Variants in JPH3 observed in about 807,000 individuals in gnomAD.
The protein encoded by JPH3 is junctophilin-3.
JPH3 carries 11 observed loss-of-function variants against 59.6 expected under a neutral mutation model. The observed-to-expected ratio is 0.18, with a 90% CI of 0.12 to 0.31. JPH3 has a LOEUF of 0.31. Ranked by LOEUF, JPH3 falls within the 10% of genes least tolerant of loss-of-function variation. The pLI is 1.00. For missense variants in JPH3, 1,202 were observed against 1,105.7 expected (o/e 1.09, Z -1.24); for synonymous variants, 673 against 483.6 (o/e 1.39, Z -5.14).
rs2030746762 is a variant in JPH3 at position 87,611,964 on chromosome 16, A to G, written c.382+8436A>G. ...TCAGGATGTGTGTTTGGAGATGCTC[A>G]GGTGGCTGCAGTGCAGGAGATCCTG... On this transcript the variant is annotated intron_variant, in intron 1 of 4. Coordinates refer to ENST00000284262, the MANE Select transcript of JPH3 (RefSeq NM_020655.4). This position sits in a 1 kb window ranked among gnomAD's most constrained non-coding sequence, Gnocchi z 4.5. Among the ~76,000 whole-genome samples the G allele has an allele frequency of 6.6e-6, 1 of 152,206 alleles. No individual in the cohort carries two copies. Among genetic ancestry groups the G allele is most frequent in the African/African-American group, 2.4e-5 (1 of 41,452 alleles).
chr16:87,647,560 G>A lies in JPH3; in HGVS notation c.1160+2525G>A, dbSNP rs115383698. Among the ~76,000 whole-genome samples the A allele has an allele frequency of 7.8e-3, 1,185 of 152,282 alleles. 20 individuals carry two copies. Among genetic ancestry groups the A allele is most frequent in the African/African-American group, 0.027 (1,110 of 41,566 alleles). ...CACTGGCGGAGTCCGAGCTGACTCC[G>A]TCCCTTCGCCCGAGCGGGCGTCGCG... is the stretch of plus-strand genomic sequence containing the variant. On this transcript the variant is annotated intron_variant, in intron 2 of 4. Transcript: ENST00000284262.
chr16:87,639,680 C>G (rs1174079698), intron 1 of JPH3, among the ~76,000 whole-genome samples: 2 of 148,856 alleles, frequency 1.3e-5, no homozygotes, highest in African/African-American at 4.9e-5. Flanking sequence ...GTCCTCCCTC[C>G]TGGCCCCTCG....
intron 2 of JPH3, among the ~76,000 whole-genome samples, chr16:87,646,956 G>T (rs1184608802): frequency 6.6e-6 from 1 of 152,166 alleles, no homozygotes; most frequent in Non-Finnish European, 1.5e-5. Flanking sequence ...AGAGAAGCGG[G>T]TTCCCATTAA....
At chr16:87,612,996 G>C (rs546952793) in intron 1 of JPH3, among the ~76,000 whole-genome samples, 1 of 151,470 alleles carries the variant, frequency 6.6e-6, no homozygotes, top group African/African-American at 2.4e-5. Flanking sequence ...CCTGCAGTCC[G>C]GCCTGGGTGA....
At chr16:87,661,155 C>A (rs1380466477) in intron 2 of JPH3, among the ~76,000 whole-genome samples, 1 of 152,212 alleles carries the variant, frequency 6.6e-6, no homozygotes, top group African/African-American at 2.4e-5. Context: ...CTCGAGGTCC[C>A]TCCTCCACCT....
chr16:87,603,803 C>T (rs2030366375), intron 1 of JPH3, among the ~76,000 whole-genome samples: 1 of 152,198 alleles, frequency 6.6e-6, no homozygotes, highest in South Asian at 2.1e-4. Flanking sequence ...GCGTCGGACA[C>T]AGCAGGCCGG....
chr16:87,675,870 T>C (rs8062199), intron 2 of JPH3, among the ~76,000 whole-genome samples: 9,929 of 152,276 alleles, frequency 0.065, 425 homozygotes, highest in South Asian at 0.16. Flanking sequence ...TCGCACCCCT[T>C]CCTCCAGGCT....
chr16:87,658,253 C>T (rs1165888829), intron 2 of JPH3, among the ~76,000 whole-genome samples: 7 of 152,158 alleles, frequency 4.6e-5, no homozygotes, highest in African/African-American at 1.7e-4. Flanking sequence ...GGCATTTGCA[C>T]CCCAGCTCAG....
chr16:87,618,402 C>T (rs2031051538), intron 1 of JPH3, among the ~76,000 whole-genome samples: 1 of 152,154 alleles, frequency 6.6e-6, no homozygotes, highest in Non-Finnish European at 1.5e-5. Flanking sequence ...ACAACACTGG[C>T]CTGTGCCTGG....
intron 2 of JPH3, among the ~76,000 whole-genome samples, chr16:87,675,914 G>C (rs1265739458): frequency 6.6e-6 from 1 of 152,208 alleles, no homozygotes; most frequent in African/African-American, 2.4e-5. Flanking sequence ...CTTTCGCTCT[G>C]TAATTCCTTT....
intron 1 of JPH3, among the ~76,000 whole-genome samples, chr16:87,640,635 T>C (rs2031917228): frequency 6.6e-6 from 1 of 152,094 alleles, no homozygotes; most frequent in Non-Finnish European, 1.5e-5. Flanking sequence ...TCAGGTGATC[T>C]GCTCGCCTCG....
At chr16:87,617,299 G>A (rs1356550148) in intron 1 of JPH3, among the ~76,000 whole-genome samples, 1 of 152,192 alleles carries the variant, frequency 6.6e-6, no homozygotes, top group East Asian at 1.9e-4. Context: ...GTGTCCCACG[G>A]TGTGGATGGG....
chr16:87,692,206 T>TGTCTCCCTCCCTGTCTCCCTCCCC (rs2033606361), intron 4 of JPH3, among the ~76,000 whole-genome samples: 3 of 151,370 alleles, frequency 2.0e-5, no homozygotes, highest in African/African-American at 7.3e-5. Flanking sequence ...TTTCCCTCCC[T>TGTCTCCCTCCCTGTCTCCCTCCCC]GTCTCCCTCC....
At chr16:87,671,314 G>C (rs756349948) in intron 2 of JPH3, among the ~76,000 whole-genome samples, 2 of 152,174 alleles carry the variant, frequency 1.3e-5, no homozygotes, top group Non-Finnish European at 2.9e-5. Flanking sequence ...GAAGGAGGGA[G>C]GCCCACACGC....
chr16:87,651,978 T>G (rs937625791), intron 2 of JPH3, among the ~76,000 whole-genome samples: 7 of 152,076 alleles, frequency 4.6e-5, no homozygotes, highest in South Asian at 2.1e-4. Flanking sequence ...TGTCGTTTTT[T>G]TTTTGTTTTG....
At chr16:87,679,157 G>A (rs1411490890) in intron 2 of JPH3, among the ~76,000 whole-genome samples, 1 of 152,186 alleles carries the variant, frequency 6.6e-6, no homozygotes, top group Non-Finnish European at 1.5e-5. Context: ...TCGACCTCCT[G>A]CCTGTCCCTG....
chr16:87,638,676 A>C (rs1484212093), intron 1 of JPH3, among the ~76,000 whole-genome samples: 2 of 152,066 alleles, frequency 1.3e-5, no homozygotes, highest in Non-Finnish European at 2.9e-5. Flanking sequence ...TGCTCTGCTC[A>C]CCTGCTGAGA....
intron 2 of JPH3, among the ~76,000 whole-genome samples, chr16:87,669,870 G>C (rs954330805): frequency 6.6e-6 from 1 of 152,152 alleles, no homozygotes; most frequent in African/African-American, 2.4e-5. Context: ...CGGAGGAGCA[G>C]AGAGGTTGCA....
intron 4 of JPH3, chr16:87,695,157 TG>T (rs942257471): frequency 3.2e-5 from 11 of 348,500 alleles, no homozygotes; most frequent in South Asian, 8.3e-5. Flanking sequence ...TCGTTGTGGG[TG>T]GGGGGAAGGG....
Sources: allele counts gnomAD v4.1 joint callset (sites outside exome capture counted in the v4.1 genomes callset), GRCh38; gene constraint gnomAD v4.1.1; non-coding constraint Gnocchi (gnomAD v3.1); transcripts MANE v1.5; gene names NCBI Gene and HGNC (gene_info 2026-07-23, HGNC 2026-07-21).